Variants in PGGT1B observed in about 807,000 individuals in gnomAD.
PGGT1B encodes protein geranylgeranyltransferase type I subunit beta.
PGGT1B carries 30 observed loss-of-function variants against 46.1 expected under a neutral mutation model. That is an observed-to-expected ratio of 0.65 (90% confidence interval 0.49 to 0.88). The LOEUF is 0.88. PGGT1B is among the 40% of genes least tolerant of loss of function. The pLI is 0.00. For synonymous variants in PGGT1B, 170 were observed against 160.0 expected, an observed-to-expected ratio of 1.06 and a Z score of -0.47; for missense variants, 376 against 455.9, an observed-to-expected ratio of 0.82 and a Z score of 1.60.
At chr5:115,248,138 A>C (rs1747932764) in intron 2 of PGGT1B, among the ~76,000 whole-genome samples, 3 of 152,202 alleles carry the variant, frequency 2.0e-5, no homozygotes, top group Admixed American at 1.3e-4. Flanking sequence ...CTATGTTTCC[A>C]AACACTTAAT....
chr5:115,241,542 T>C lies in PGGT1B; in HGVS notation c.324A>G (p.Ser108=). The C allele has an allele frequency of 1.2e-6, 2 of 1,600,578 alleles. No homozygotes were observed. The highest frequency in any genetic ancestry group is 1.7e-6 in the Non-Finnish European group (2 of 1,171,684). The change falls in exon 3 of 9, where the codon TCA becomes TCG. Residue 108 remains serine, a synonymous_variant. Coordinates refer to ENST00000419445, the MANE Select transcript of PGGT1B (RefSeq NM_005023.4). ...TTCTGAACCAAATAGAACCAACCTT[T>C]GATGGATTGAACGGAATACCCAGGT... ...SSYLGIPFNP[S]KAPGTAHPYD... is the part of the protein sequence containing the mutation.
chr5:115,255,236 T>C (rs1398061043), intron 1 of PGGT1B, among the ~76,000 whole-genome samples: 1 of 152,168 alleles, frequency 6.6e-6, no homozygotes, highest in East Asian at 1.9e-4. Context: ...ACAGGCCTTT[T>C]CTATAGACTC....
chr5:115,248,827 T>C (rs1747968404), intron 2 of PGGT1B, among the ~76,000 whole-genome samples: 1 of 152,224 alleles, frequency 6.6e-6, no homozygotes. Context: ...CTCAGTTTCC[T>C]CTTCTTGGGA....
At position 115,241,528 on chromosome 5, in the gene PGGT1B, A is replaced by C; in HGVS notation, c.327+11T>G. ...TCCCTTCTACTTCCTTCTGAACCAA[A>C]TAGAACCAACCTTTGATGGATTGAA... is the stretch of plus-strand genomic sequence containing the variant. On this transcript the variant is annotated intron_variant, in intron 3 of 8. Transcript: ENST00000419445. 1 of 1,582,314 alleles carries C rather than the reference A, an allele frequency of 6.3e-7. No homozygotes were observed. The highest frequency in any genetic ancestry group is 8.6e-7 in the Non-Finnish European group (1 of 1,160,392).
chr5:115,240,010 G>A (rs1172892549), intron 3 of PGGT1B, among the ~76,000 whole-genome samples: 1 of 152,198 alleles, frequency 6.6e-6, no homozygotes, highest in Non-Finnish European at 1.5e-5. Context: ...ACAATCTAAT[G>A]TGCCTCCTCA....
intron 1 of PGGT1B, among the ~76,000 whole-genome samples, chr5:115,259,094 T>C (rs1251719748): frequency 6.6e-6 from 1 of 152,236 alleles, no homozygotes; most frequent in African/African-American, 2.4e-5. Flanking sequence ...CCCAGGCTTA[T>C]GCAATCAGAA....
rs148367172 is a variant in PGGT1B, at chr5:115,214,025, A to G, written c.953-1442T>C. Among the ~76,000 whole-genome samples, 1,288 of 152,316 alleles carry G rather than the reference A, an allele frequency of 8.5e-3. 9 individuals carry two copies. Among genetic ancestry groups the G allele is most frequent in the South Asian group, 0.017 (83 of 4,824 alleles). ...TCCTTTGACTTTCAGACTATAAAAA[A>G]TAAACTTGATTTCACCTGTCATATT... On this transcript the variant is annotated intron_variant, in intron 8 of 8. Transcript: ENST00000419445.
At chr5:115,229,609 A>G (rs965043988) in intron 6 of PGGT1B, among the ~76,000 whole-genome samples, 3 of 152,108 alleles carry the variant, frequency 2.0e-5, no homozygotes, top group Admixed American at 1.3e-4. Flanking sequence ...TATAATCCCA[A>G]TGTCTTGGAA....
chr5:115,210,725 A>G lies in PGGT1B; in HGVS notation c.*1677T>C, dbSNP rs541154646. 6 of 152,246 alleles carry G rather than the reference A, an allele frequency of 3.9e-5. No individual in the cohort carries two copies. Among genetic ancestry groups the G allele is most frequent in the Non-Finnish European group, 7.4e-5 (5 of 67,964 alleles). The allele number at this position is 152,246 out of a possible 1,614,324, so 9.4% of individuals were successfully genotyped here. On this transcript the variant is annotated 3_prime_UTR_variant, in exon 9 of 9. Transcript: ENST00000419445. ...GTCCTAAAGCCATTATATATATGCTACTTTAACTTCCAATGTCTAAGAGAT... is the reference window on the plus strand; with the variant it reads ...GTCCTAAAGCCATTATATATATGCTGCTTTAACTTCCAATGTCTAAGAGAT...
rs1238779903 is a variant in PGGT1B, at chr5:115,205,167, A to G, written c.*7235T>C. ...TTAAATGAGAGGGAAATTGGCTTTG[A>G]GCCTAAATTCATAATCTTTTACTTT... On this transcript the variant is annotated 3_prime_UTR_variant, in exon 9 of 9. Transcript: ENST00000419445. 1 of 152,162 alleles carries G rather than the reference A, an allele frequency of 6.6e-6. No individual in the cohort carries two copies. The highest frequency in any genetic ancestry group is 1.5e-5 in the Non-Finnish European group (1 of 68,020). 9.4% of individuals were successfully genotyped at this position (152,162 alleles called of 1,614,324 possible). A position where few individuals can be genotyped will look rare whatever the true frequency, so the allele number is the denominator to read the frequency against.
intron 7 of PGGT1B, among the ~76,000 whole-genome samples, chr5:115,218,491 CAA>C (rs11345719): frequency 0.07 from 7,949 of 112,790 alleles, 311 homozygotes; most frequent in African/African-American, 0.12. Context: ...CAATGATTCT[CAA>C]AAAAAAAAAA....
rs1312619578 is a variant in PGGT1B, at chr5:115,205,928, G to A, written c.*6474C>T. 1 of 76,064 alleles carries A rather than the reference G, an allele frequency of 1.3e-5. No homozygotes were observed. The highest frequency in any genetic ancestry group is 1.1e-4 in the African/African-American group (1 of 9,314). The allele number at this position is 76,064 out of a possible 1,614,324, so 4.7% of individuals were successfully genotyped here. ...ATATTTTTGTAGTTGTGAAAAATAA[G>A]GCACTGATTAATCAGTGCCTCATTT... On this transcript the variant is annotated 3_prime_UTR_variant, in exon 9 of 9. Transcript: ENST00000419445.
At chr5:115,213,811 T>A (rs1380777133) in intron 8 of PGGT1B, among the ~76,000 whole-genome samples, 1 of 152,094 alleles carries the variant, frequency 6.6e-6, no homozygotes, top group Non-Finnish European at 1.5e-5. Flanking sequence ...TCTTACCACA[T>A]CAAACTTTGT....
chr5:115,211,492 C>A lies in PGGT1B; in HGVS notation c.*910G>T, dbSNP rs1756219658. On this transcript the variant is annotated 3_prime_UTR_variant, in exon 9 of 9. Coordinates refer to ENST00000419445, the MANE Select transcript of PGGT1B (RefSeq NM_005023.4). ...GAAAAGTATTAGTTTGAAATTAGAG[C>A]AGCTAACACACTGGGGGCAATAAAT... is the stretch of plus-strand genomic sequence containing the variant. 1 of 149,122 alleles carries A rather than the reference C, an allele frequency of 6.7e-6. No individual in the cohort carries two copies. Among genetic ancestry groups the A allele is most frequent in the African/African-American group, 2.5e-5 (1 of 40,458 alleles). 9.2% of individuals were successfully genotyped at this position (149,122 alleles called of 1,614,324 possible). A position where few individuals can be genotyped will look rare whatever the true frequency, so the allele number is the denominator to read the frequency against.
chr5:115,254,601 CTT>C (rs57405842), intron 1 of PGGT1B, among the ~76,000 whole-genome samples: 2 of 143,262 alleles, frequency 1.4e-5, no homozygotes, highest in Admixed American at 7.0e-5. Flanking sequence ...GATTTCTTCT[CTT>C]TTTTTTTTTT....
chr5:115,242,290 T>C (rs1757371225), intron 2 of PGGT1B, among the ~76,000 whole-genome samples: 1 of 152,184 alleles, frequency 6.6e-6, no homozygotes. Flanking sequence ...AGTTGGGAAC[T>C]TGAAAGAACA....
intron 7 of PGGT1B, among the ~76,000 whole-genome samples, chr5:115,220,945 G>A (rs1425203261): frequency 2.0e-5 from 3 of 151,946 alleles, no homozygotes; most frequent in African/African-American, 7.2e-5. Flanking sequence ...GTTGAGACTG[G>A]TTGATGGACA....
At chr5:115,219,606 G>A (rs1022469261) in intron 7 of PGGT1B, among the ~76,000 whole-genome samples, 18 of 151,726 alleles carry the variant, frequency 1.2e-4, no homozygotes, top group Non-Finnish European at 4.4e-5. Flanking sequence ...AAATTGTACT[G>A]CATCAAAAAA....
chr5:115,250,714 T>C (rs1486249585), intron 2 of PGGT1B, among the ~76,000 whole-genome samples: 1 of 152,280 alleles, frequency 6.6e-6, no homozygotes. Flanking sequence ...AAAAGCTCCA[T>C]GAACTTTTTC....
Sources: allele counts gnomAD v4.1 joint callset (sites outside exome capture counted in the v4.1 genomes callset), GRCh38; gene constraint gnomAD v4.1.1; transcripts MANE v1.5; gene names NCBI Gene and HGNC (gene_info 2026-07-23, HGNC 2026-07-21).